GNAL: variants seen among roughly 807,000 people sequenced by gnomAD.
The protein encoded by GNAL is guanine nucleotide-binding protein G(olf) subunit alpha.
Under a neutral mutation model 55.1 loss-of-function variants are expected in GNAL, and 18 were observed. The observed-to-expected ratio is 0.33, with a 90% confidence interval of 0.23 to 0.48. GNAL has a LOEUF of 0.48. Among genes scored for constraint, GNAL ranks in the 20% least tolerant of loss-of-function variants. The probability of loss-of-function intolerance (pLI) is 0.99; values close to 1 mark genes in which losing one functional copy is unlikely to be tolerated. For missense variants in GNAL, 412 were observed against 614.1 expected (o/e 0.67, Z 3.48); for synonymous variants, 253 against 237.0 (o/e 1.07, Z -0.62).
At chr18:11,703,011 G>A (rs1598402342) in intron 1 of GNAL, among the ~76,000 whole-genome samples, 1 of 152,062 alleles carries the variant, frequency 6.6e-6, no homozygotes, top group African/African-American at 2.4e-5. Context: ...CCAGCTAGTC[G>A]GGAAGCTGAG....
intron 4 of GNAL, among the ~76,000 whole-genome samples, chr18:11,770,285 A>C (rs905769550): frequency 6.6e-6 from 1 of 152,192 alleles, no homozygotes; most frequent in African/African-American, 2.4e-5. Context: ...AAAAACAAAA[A>C]TAAAAATATT....
chr18:11,841,070 C>T (rs547524828), intron 5 of GNAL, among the ~76,000 whole-genome samples: 36 of 151,870 alleles, frequency 2.4e-4, no homozygotes, highest in African/African-American at 8.2e-4. Context: ...GACGAGGTTT[C>T]GCCGTGTTGC....
intron 1 of GNAL, among the ~76,000 whole-genome samples, chr18:11,729,990 A>C (rs1389406774): frequency 6.6e-6 from 1 of 151,762 alleles, no homozygotes; most frequent in East Asian, 1.9e-4. Context: ...GGGATTCTTT[A>C]TTTAGTTGGC....
rs199675814 is a variant in GNAL at position 11,753,609 on chromosome 18, C to A, written c.450-19C>A. The A allele has an allele frequency of 2.8e-5, 42 of 1,489,056 alleles. No homozygotes were observed. The Middle Eastern group carries it at 1.2e-3, about 43-fold the overall frequency. 92.2% of individuals were successfully genotyped at this position (1,489,056 alleles called of 1,614,324 possible). A position where few individuals can be genotyped will look rare whatever the true frequency, so the allele number is the denominator to read the frequency against. The stretch of plus-strand genomic sequence containing the variant: ...TGCTAAGAGTAAATTAAGCTAATAA[C>A]AACTCTCTTTCAATACAGGGAAAAG... On this transcript the variant is annotated intron_variant, in intron 2 of 11. Coordinates refer to ENST00000334049, the MANE Select transcript of GNAL (RefSeq NM_182978.4).
At chr18:11,869,698 AG>A (rs1391090972) in intron 9 of GNAL, among the ~76,000 whole-genome samples, 3 of 152,148 alleles carry the variant, frequency 2.0e-5, no homozygotes, top group African/African-American at 7.2e-5. Flanking sequence ...GAATTGCTTG[AG>A]CTCAGGAATT....
intron 10 of GNAL, among the ~76,000 whole-genome samples, chr18:11,874,969 C>G (rs148201852): frequency 6.6e-6 from 1 of 152,086 alleles, no homozygotes; most frequent in Non-Finnish European, 1.5e-5. Flanking sequence ...GTGGTAAGAA[C>G]ACTCAGCTGT....
intron 1 of GNAL, among the ~76,000 whole-genome samples, chr18:11,690,204 GCTCT>G (rs1022581286): frequency 3.9e-5 from 6 of 152,106 alleles, no homozygotes; most frequent in Admixed American, 6.5e-5. Flanking sequence ...ACTGCCGCTC[GCTCT>G]CTCTAATTAA....
intron 9 of GNAL, among the ~76,000 whole-genome samples, chr18:11,869,133 AT>A (rs199964043): frequency 0.041 from 5,926 of 143,962 alleles, 372 homozygotes; most frequent in African/African-American, 0.15. Flanking sequence ...AATGTGGAAT[AT>A]TTTTTTTTAT....
intron 1 of GNAL, among the ~76,000 whole-genome samples, chr18:11,722,074 A>G (rs1340114644): frequency 6.6e-6 from 1 of 152,198 alleles, no homozygotes; most frequent in Non-Finnish European, 1.5e-5. Flanking sequence ...AGCCAAGGAA[A>G]GCCACTCAGA....
intron 4 of GNAL, chr18:11,811,590 A>G (rs1021899037): frequency 2.6e-5 from 4 of 152,192 alleles, no homozygotes; most frequent in South Asian, 2.1e-4. Flanking sequence ...TGCCATAAAC[A>G]TTATTTCATG....
At position 11,836,997 on chromosome 18, in the gene GNAL, AGGCTGGAGTGCAGT is replaced by A. The variant is rs750424258; in HGVS notation, c.722+11986_722+11999del. ...GAGATGGAGTCTCGCTCTGTCACCC[AGGCTGGAGTGCAGT>A]GGCACAGTTTTGGCTCACTGAAACC... On this transcript the variant is annotated intron_variant, in intron 5 of 11. Coordinates refer to ENST00000334049, the MANE Select transcript of GNAL (RefSeq NM_182978.4). 3.3e-5 allele frequency among the ~76,000 whole-genome samples: 5 copies of A among 152,350 alleles called. No homozygotes were observed. In the East Asian group the frequency reaches 7.7e-4, roughly 23 times the overall value.
intron 4 of GNAL, among the ~76,000 whole-genome samples, chr18:11,824,084 C>T (rs2035175947): frequency 6.6e-6 from 1 of 152,086 alleles, no homozygotes; most frequent in Admixed American, 6.6e-5. Flanking sequence ...AATAAATTAT[C>T]ATCCTCAAAG....
intron 4 of GNAL, among the ~76,000 whole-genome samples, chr18:11,812,253 A>G (rs920260596): frequency 3.2e-4 from 49 of 152,358 alleles, no homozygotes; most frequent in Middle Eastern, 6.8e-3. Flanking sequence ...TAATTTGGAA[A>G]TAAAAGATAG....
At chr18:11,690,018 G>A in intron 1 of GNAL, 79 bp downstream of exon 1, 1 of 862,650 alleles carries the variant, frequency 1.2e-6, no homozygotes, top group Non-Finnish European at 1.5e-6. Flanking sequence ...ACCGGGGAGC[G>A]GTGGCGGGCA....
chr18:11,734,127 T>C (rs1031291054), intron 1 of GNAL, among the ~76,000 whole-genome samples: 1 of 151,220 alleles, frequency 6.6e-6, no homozygotes, highest in African/African-American at 2.4e-5. Flanking sequence ...GGAAGAGCAA[T>C]AAGCTTTTCT....
At chr18:11,721,445 C>T (rs2032090587) in intron 1 of GNAL, among the ~76,000 whole-genome samples, 1 of 152,124 alleles carries the variant, frequency 6.6e-6, no homozygotes, top group Non-Finnish European at 1.5e-5. Flanking sequence ...TTAATGTTTC[C>T]TTAATGCCTT....
At chr18:11,860,625 T>G (rs2036110501) in intron 5 of GNAL, among the ~76,000 whole-genome samples, 1 of 152,198 alleles carries the variant, frequency 6.6e-6, no homozygotes, top group Admixed American at 6.5e-5. Flanking sequence ...TAATATACCC[T>G]TTTAACAAAA....
Position 11,715,051 on chromosome 18 carries a change from G to A in GNAL, c.376+25112G>A, listed in dbSNP as rs148695639. 2.2e-3 allele frequency among the ~76,000 whole-genome samples: 339 copies of A among 151,998 alleles called. 1 individual carries two copies. Among genetic ancestry groups the A allele is most frequent in the African/African-American group, 8.0e-3 (330 of 41,446 alleles). ...TCCCAACTACTCAGGAGGCTGAGGTGGGAGGATTGCTTGAGCCCAGCAGGT... is the reference window on the plus strand; with the variant it reads ...TCCCAACTACTCAGGAGGCTGAGGTAGGAGGATTGCTTGAGCCCAGCAGGT... On this transcript the variant is annotated intron_variant, in intron 1 of 11. Coordinates refer to ENST00000334049, the MANE Select transcript of GNAL (RefSeq NM_182978.4).
chr18:11,869,645 G>T (rs1461763002), intron 9 of GNAL, among the ~76,000 whole-genome samples: 1 of 152,140 alleles, frequency 6.6e-6, no homozygotes, highest in Non-Finnish European at 1.5e-5. Flanking sequence ...GATTACAGTG[G>T]CATACGCCTA....
Sources: gnomAD v4.1 joint callset for allele counts (sites outside exome capture counted in the v4.1 genomes callset) on GRCh38, gnomAD v4.1.1 for gene constraint, MANE v1.5 for transcripts, NCBI Gene and HGNC (gene_info 2026-07-23, HGNC 2026-07-21) for gene names.